PHLDB2: variants seen among roughly 807,000 people sequenced by gnomAD.
The protein encoded by PHLDB2 is pleckstrin homology like domain family B member 2, also known as pleckstrin homology-like domain family B member 2.
PHLDB2 carries 71 observed loss-of-function variants against 123.6 expected under a neutral mutation model. The observed-to-expected ratio is 0.57, with a 90% confidence interval of 0.47 to 0.70. PHLDB2 has a LOEUF of 0.70. Ranked by LOEUF, PHLDB2 falls within the 30% of genes least tolerant of loss-of-function variation. The pLI, the probability that PHLDB2 is intolerant of heterozygous loss-of-function variation, is 0.00. For missense variants in PHLDB2, 1,446 were observed against 1,519.5 expected (o/e 0.95, Z 0.80); for synonymous variants, 547 against 541.6 (o/e 1.01, Z -0.14).
intron 16 of PHLDB2, among the ~76,000 whole-genome samples, chr3:111,970,360 C>T (rs570556912): frequency 6.6e-6 from 1 of 152,126 alleles, no homozygotes; most frequent in South Asian, 2.1e-4. Flanking sequence ...GCCTTTCAAA[C>T]CACCACACCA....
chr3:111,917,990 A>G (rs1362007022), intron 3 of PHLDB2, among the ~76,000 whole-genome samples: 1 of 152,190 alleles, frequency 6.6e-6, no homozygotes, highest in Non-Finnish European at 1.5e-5. Context: ...ATAATTATTG[A>G]CTTGCTGATC....
chr3:111,865,359 C>A (rs568917848), intron 1 of PHLDB2, among the ~76,000 whole-genome samples: 3 of 152,290 alleles, frequency 2.0e-5, no homozygotes, highest in Admixed American at 2.0e-4. Context: ...ATTTACCATG[C>A]CTTTGGAATG....
chr3:111,757,830 T>C (rs1403960476), intron 1 of PHLDB2, among the ~76,000 whole-genome samples: 1 of 152,236 alleles, frequency 6.6e-6, no homozygotes, highest in Non-Finnish European at 1.5e-5. Context: ...ACAACAGACC[T>C]CAGCTGCAGG....
At chr3:111,752,392 A>T (rs2059796058) in intron 1 of PHLDB2, among the ~76,000 whole-genome samples, 1 of 152,200 alleles carries the variant, frequency 6.6e-6, no homozygotes, top group Non-Finnish European at 1.5e-5. Context: ...AAGTTGATTT[A>T]TAAAGCTTAA....
chr3:111,871,465 T>C (rs1459833293), intron 1 of PHLDB2, among the ~76,000 whole-genome samples: 1 of 150,866 alleles, frequency 6.6e-6, no homozygotes, highest in Non-Finnish European at 1.5e-5. Flanking sequence ...CTGAGAAACA[T>C]GGCAAAAACC....
At chr3:111,830,499 G>C (rs1164672322) in intron 1 of PHLDB2, among the ~76,000 whole-genome samples, 11 of 102,484 alleles carry the variant, frequency 1.1e-4, no homozygotes, top group South Asian at 3.5e-4. Flanking sequence ...CATGAATAAG[G>C]AACATGGCAA....
At position 111,969,950 on chromosome 3, in the gene PHLDB2, G is replaced by A. The variant is rs149912803; in HGVS notation, c.3535+41G>A. ...AATTTAAGCCATATACTCAAATCAA[G>A]AACCCCCTGTTAAAGAGCAAAGGCA... On this transcript the variant is annotated intron_variant, in intron 16 of 17. Transcript: ENST00000431670. 65 of 1,585,990 alleles carry A rather than the reference G, an allele frequency of 4.1e-5. No individual in the cohort carries two copies. The East Asian group carries it at 1.4e-3, about 35-fold the overall frequency.
At chr3:111,922,715 T>C (rs1454982360) in intron 5 of PHLDB2, among the ~76,000 whole-genome samples, 1 of 152,202 alleles carries the variant, frequency 6.6e-6, no homozygotes, top group Non-Finnish European at 1.5e-5. Flanking sequence ...GGCAAAAACA[T>C]TATTATGTTT....
At chr3:111,790,543 A>G (rs2060873152) in intron 1 of PHLDB2, among the ~76,000 whole-genome samples, 1 of 152,220 alleles carries the variant, frequency 6.6e-6, no homozygotes. Flanking sequence ...GAGCCAGACT[A>G]TGACAGTGAA....
chr3:111,732,719 G>A (rs762007879), intron 1 of PHLDB2: 2 of 1,527,144 alleles, frequency 1.3e-6, no homozygotes, highest in Non-Finnish European at 1.8e-6. Flanking sequence ...TGATCTCTCT[G>A]GTCACTGGCC....
intron 1 of PHLDB2, among the ~76,000 whole-genome samples, chr3:111,794,307 C>T (rs2061055193): frequency 6.6e-6 from 1 of 152,150 alleles, no homozygotes; most frequent in Non-Finnish European, 1.5e-5. Context: ...CCCGCAGTCA[C>T]TGCACCCTCT....
chr3:111,885,838 A>G (rs1189481549), intron 2 of PHLDB2: 2 of 531,404 alleles, frequency 3.8e-6, no homozygotes, highest in Non-Finnish European at 6.6e-6. Context: ...AGAATTAGGT[A>G]GTAAATTTGT....
chr3:111,937,738 G>T (rs995409464), intron 6 of PHLDB2, among the ~76,000 whole-genome samples: 2 of 150,518 alleles, frequency 1.3e-5, no homozygotes, highest in Admixed American at 6.6e-5. Context: ...TTGTGCCATG[G>T]CACTCCAGCC....
intron 11 of PHLDB2, 91 bp from the exon 12 acceptor site, chr3:111,953,838 AG>A (rs2070861904): frequency 6.2e-6 from 6 of 963,574 alleles, no homozygotes; most frequent in African/African-American, 1.6e-5. Context: ...CTGTACACTT[AG>A]ATAGGAGCTT....
In PHLDB2 at chr3:111,941,373, G is replaced by A. The variant is rs141291053; in HGVS notation, c.2397+728G>A. 4.5e-3 allele frequency among the ~76,000 whole-genome samples: 690 copies of A among 152,310 alleles called. 5 individuals carry two copies. Among genetic ancestry groups the A allele is most frequent in the African/African-American group, 0.016 (660 of 41,560 alleles). On this transcript the variant is annotated intron_variant, in intron 8 of 17. Transcript: ENST00000431670. ...ACCCTGCATTTATGCCACTGCATTA[G>A]CAATATGACACTTGGGACCATGAGA... is the stretch of plus-strand genomic sequence containing the variant.
chr3:111,884,164 C>T lies in PHLDB2; in HGVS notation c.87C>T (p.Asn29=), dbSNP rs147548065. The change falls in exon 2 of 18, where the codon AAC becomes AAT. Residue 29 remains asparagine (N), a synonymous_variant. Coordinates refer to ENST00000431670, the MANE Select transcript of PHLDB2 (RefSeq NM_001134438.2). ...ACTCTGTGGTGCATTCTGTTGAGAA[C>T]GATTCCCAAAACATGATGGAGAGCC... ...EEDSVVHSVE[N]DSQNMMESLS... 138 of 1,614,142 alleles carry T rather than the reference C, an allele frequency of 8.5e-5. No homozygotes were observed. Among genetic ancestry groups the T allele is most frequent in the Middle Eastern group, 1.6e-4 (1 of 6,062 alleles).
rs1165604720 is a variant in PHLDB2 at position 111,831,022 on chromosome 3, A to AAAGAAAGAAAGG, written c.-48-14795_-48-14784dup. Among the ~76,000 whole-genome samples, 3 of 111,494 alleles carry AAAGAAAGAAAGG rather than the reference A, an allele frequency of 2.7e-5. 1 individual carries two copies. Among genetic ancestry groups the AAAGAAAGAAAGG allele is most frequent in the Non-Finnish European group, 5.7e-5 (3 of 52,382 alleles). 73.1% of individuals were successfully genotyped at this position (111,494 alleles called of 152,430 possible). A position where few individuals can be genotyped will look rare whatever the true frequency, so the allele number is the denominator to read the frequency against. ...GAAAGAAAGAAAGAAAGAAAGAAAG[A>AAAGAAAGAAAGG]AAGAAAGAAAGGAAGGAAGGAAGAA... On this transcript the variant is annotated intron_variant, in intron 1 of 17. Coordinates refer to the PHLDB2 transcript ENST00000393923.
At chr3:111,813,348 A>T (rs929111987) in intron 1 of PHLDB2, among the ~76,000 whole-genome samples, 109 of 152,102 alleles carry the variant, frequency 7.2e-4, no homozygotes, top group African/African-American at 2.5e-3. Context: ...AGGCTTAGAT[A>T]TTTTTTTTAA....
chr3:111,745,768 C>CA lies in PHLDB2; in HGVS notation c.-49+13072dup, dbSNP rs969033205. On this transcript the variant is annotated intron_variant, in intron 1 of 17. Coordinates refer to the PHLDB2 transcript ENST00000393923. ...CAGAGCAAGACCTTGAAAACAAAAA[C>CA]AAAAAAAGAAAGAAAGAAAAGAAAA... Among the ~76,000 whole-genome samples the CA allele has an allele frequency of 1.6e-3, 226 of 142,876 alleles. 2 individuals carry two copies. The highest frequency in any genetic ancestry group is 5.5e-3 in the African/African-American group (213 of 38,616). The allele number at this position is 142,876 out of a possible 152,430, so 93.7% of individuals were successfully genotyped here. A position where few individuals can be genotyped will look rare whatever the true frequency, so the allele number is the denominator to read the frequency against.
Sources: allele counts gnomAD v4.1 joint callset (sites outside exome capture counted in the v4.1 genomes callset), GRCh38; gene constraint gnomAD v4.1.1; transcripts MANE v1.5; gene names NCBI Gene and HGNC (gene_info 2026-07-23, HGNC 2026-07-21).